ATG14: variants seen among roughly 807,000 people sequenced by gnomAD.
ATG14 encodes the protein autophagy related 14.
A neutral mutation model predicts 60.4 loss-of-function variants in ATG14; 35 were observed. That is an observed-to-expected ratio of 0.58 (90% confidence interval 0.44 to 0.77). The LOEUF (loss-of-function observed/expected upper bound fraction) is 0.77, where lower values mean the gene tolerates loss of function less well. Ranked by LOEUF, ATG14 falls within the 30% of genes least tolerant of loss-of-function variation. The pLI is 0.00. For missense variants in ATG14, 647 were observed against 626.3 expected (o/e 1.03, Z -0.35); for synonymous variants, 234 against 228.8 (o/e 1.02, Z -0.21).
Position 55,367,350 on chromosome 14 carries a change from C to A in ATG14, c.*2269G>T, listed in dbSNP as rs1259278821. Reference sequence around the variant, plus strand: ...TTATTTATCTGTTCAAGTCTACCATCTTCACTCTCTACGAACTCCAGAACT... The same window carrying A: ...TTATTTATCTGTTCAAGTCTACCATATTCACTCTCTACGAACTCCAGAACT... On this transcript the variant is annotated 3_prime_UTR_variant, in exon 10 of 10. Coordinates refer to ENST00000247178, the MANE Select transcript of ATG14 (RefSeq NM_014924.5). The A allele has an allele frequency of 6.6e-6, 1 of 152,254 alleles. No individual in the cohort carries two copies. The highest frequency in any genetic ancestry group is 2.4e-5 in the African/African-American group (1 of 41,470). 9.4% of individuals were successfully genotyped at this position (152,254 alleles called of 1,614,324 possible).
intron 1 of ATG14, among the ~76,000 whole-genome samples, chr14:55,407,089 G>A (rs548964283): frequency 1.3e-5 from 2 of 151,864 alleles, no homozygotes; most frequent in Non-Finnish European, 2.9e-5. Context: ...AGCTTCCCGA[G>A]TAGCTGGGTT....
At chr14:55,397,664 T>C (rs945960208) in intron 1 of ATG14, among the ~76,000 whole-genome samples, 16 of 152,212 alleles carry the variant, frequency 1.1e-4, no homozygotes, top group African/African-American at 3.1e-4. Context: ...TTATAAAATA[T>C]GTCTATAGAT....
At chr14:55,383,238 G>A (rs954351822) in intron 5 of ATG14, among the ~76,000 whole-genome samples, 1 of 151,048 alleles carries the variant, frequency 6.6e-6, no homozygotes, top group Non-Finnish European at 1.5e-5. Context: ...GAAAATATTC[G>A]GGGGAAAAAA....
In ATG14 at chr14:55,369,815, T is replaced by G; in HGVS notation, c.1283A>C (p.Glu428Ala). 6.2e-7 allele frequency: 1 copy of G among 1,614,174 alleles called. No homozygotes were observed. Among genetic ancestry groups the G allele is most frequent in the Non-Finnish European group, 8.5e-7 (1 of 1,180,026 alleles). Residue 428 changes from glutamate to alanine, a missense_variant, in exon 10 of 10, where the codon GAA (glutamate) becomes GCA (alanine). Glu to Ala is a moderately radical substitution (Grantham distance 107). Coordinates refer to ENST00000247178, the MANE Select transcript of ATG14 (RefSeq NM_014924.5). The part of the protein sequence containing the change: ...ESGDERVSDE[E>A]TDLGTDWENL... ...CTCCCAGTCTGTGCCCAGGTCGGTT[T>G]CTTCATCGCTGACGCGCTCATCTCC...
chr14:55,382,433 A>T (rs771465109), intron 5 of ATG14, among the ~76,000 whole-genome samples: 1 of 152,160 alleles, frequency 6.6e-6, no homozygotes, highest in Admixed American at 6.6e-5. Flanking sequence ...CTCCTGCCTC[A>T]GCCTCCTAAG....
At chr14:55,385,494 T>C (rs1885109483) in intron 5 of ATG14, among the ~76,000 whole-genome samples, 1 of 152,214 alleles carries the variant, frequency 6.6e-6, no homozygotes, top group South Asian at 2.1e-4. Context: ...GGTTTTGCCA[T>C]GTTGGCCAGG....
At chr14:55,409,058 G>A (rs2140155975) in intron 1 of ATG14, among the ~76,000 whole-genome samples, 1 of 152,336 alleles carries the variant, frequency 6.6e-6, no homozygotes, top group South Asian at 2.1e-4. Context: ...AGGAAGAGTT[G>A]TCTGACTAAA....
intron 9 of ATG14, among the ~76,000 whole-genome samples, chr14:55,370,783 G>A (rs921323764): frequency 1.3e-5 from 2 of 151,896 alleles, no homozygotes; most frequent in Admixed American, 1.3e-4. Context: ...TGGGATTACA[G>A]GCACCTGCCA....
intron 9 of ATG14, among the ~76,000 whole-genome samples, chr14:55,375,448 C>T (rs957774899): frequency 2.6e-5 from 4 of 151,192 alleles, no homozygotes; most frequent in Admixed American, 1.3e-4. Context: ...TCAGCCTCCA[C>T]AGCAGCTGGG....
chr14:55,407,554 T>C (rs1885511129), intron 1 of ATG14, among the ~76,000 whole-genome samples: 1 of 152,212 alleles, frequency 6.6e-6, no homozygotes. Flanking sequence ...CATGAGCCAC[T>C]GCGCCCAACC....
intron 1 of ATG14, among the ~76,000 whole-genome samples, chr14:55,410,864 G>C (rs1885559761): frequency 6.6e-6 from 1 of 152,136 alleles, no homozygotes; most frequent in Non-Finnish European, 1.5e-5. Flanking sequence ...GTTGAGAGTG[G>C]GAGATCCTGC....
At chr14:55,409,316 A>G (rs1446462928) in intron 1 of ATG14, among the ~76,000 whole-genome samples, 2 of 152,206 alleles carry the variant, frequency 1.3e-5, no homozygotes, top group Non-Finnish European at 2.9e-5. Flanking sequence ...AGTCAGTTCA[A>G]TCATTCCATA....
At chr14:55,387,006 T>C (rs17742621) in intron 4 of ATG14, among the ~76,000 whole-genome samples, 10,551 of 152,242 alleles carry the variant, frequency 0.069, 431 homozygotes, top group South Asian at 0.11. Flanking sequence ...CAATTCCATT[T>C]CCAGTCCAAG....
At chr14:55,406,868 A>T (rs548726740) in intron 1 of ATG14, among the ~76,000 whole-genome samples, 41 of 151,992 alleles carry the variant, frequency 2.7e-4, no homozygotes, top group Non-Finnish European at 5.4e-4. Flanking sequence ...TATTTGCTTT[A>T]TATTTTTCTG....
Position 55,382,150 on chromosome 14 carries a change from G to T in ATG14, c.689C>A (p.Thr230Asn), listed in dbSNP as rs1035028440. The T allele has an allele frequency of 5.0e-6, 8 of 1,614,136 alleles. No homozygotes were observed. The highest frequency in any genetic ancestry group is 6.8e-6 in the Non-Finnish European group (8 of 1,180,022). Residue 230 changes from threonine to asparagine, a missense_variant, in exon 6 of 10, where the codon ACC becomes AAC. By Grantham distance (65) the Thr-to-Asn change is moderately conservative (BLOSUM62 0). Transcript: ENST00000247178. ...DVSSESDSAM[T>N]SSTVSKLAEA... Reference sequence around the variant, plus strand: ...AGCAAGCTTGCTCACAGTGCTGGAGGTCATGGCACTGTCACTCTCTGAAGA... The same window carrying T: ...AGCAAGCTTGCTCACAGTGCTGGAGTTCATGGCACTGTCACTCTCTGAAGA...
intron 7 of ATG14, among the ~76,000 whole-genome samples, chr14:55,378,315 C>A (rs76460454): frequency 0.016 from 2,503 of 152,310 alleles, 39 homozygotes; most frequent in South Asian, 0.037. Flanking sequence ...GACATTTATT[C>A]TACACAAATA....
chr14:55,409,241 A>G (rs540719855), intron 1 of ATG14, among the ~76,000 whole-genome samples: 1 of 152,360 alleles, frequency 6.6e-6, no homozygotes, highest in East Asian at 1.9e-4. Flanking sequence ...TGGCTTTAGT[A>G]ACAAATGGAT....
At chr14:55,381,897 T>G (rs1885039482) in intron 6 of ATG14, 65 bp downstream of exon 6, 2 of 1,406,478 alleles carry the variant, frequency 1.4e-6, no homozygotes, top group South Asian at 2.4e-5. Flanking sequence ...CTCTTCATTT[T>G]GTTATGTCAA....
intron 7 of ATG14, among the ~76,000 whole-genome samples, chr14:55,379,229 T>A (rs1474730645): frequency 6.6e-6 from 1 of 152,060 alleles, no homozygotes; most frequent in African/African-American, 2.4e-5. Context: ...GTGTAAACAG[T>A]GTTTATTTAA....
Sources: allele counts gnomAD v4.1 joint callset (sites outside exome capture counted in the v4.1 genomes callset), GRCh38; gene constraint gnomAD v4.1.1; transcripts MANE v1.5; gene names NCBI Gene and HGNC (gene_info 2026-07-23, HGNC 2026-07-21).